The following TRPS1 variants were observed in gnomAD, a reference collection of about 807,000 sequenced individuals.
TRPS1 encodes transcriptional repressor GATA binding 1.
TRPS1 carries 6 observed loss-of-function variants against 101.2 expected under a neutral mutation model. The observed-to-expected ratio is 0.06, with a 90% CI of 0.03 to 0.12. The LOEUF (loss-of-function observed/expected upper bound fraction) is 0.12, where lower values mean the gene tolerates loss of function less well. TRPS1 is among the 10% of genes least tolerant of loss of function. The pLI is 1.00. For missense variants in TRPS1, 1,363 were observed against 1,567.0 expected (o/e 0.87, Z 2.20); for synonymous variants, 578 against 589.8 (o/e 0.98, Z 0.29).
chr8:115,551,612 GATT>G (rs1339001284), intron 5 of TRPS1, among the ~76,000 whole-genome samples: 1 of 152,058 alleles, frequency 6.6e-6, no homozygotes, highest in Admixed American at 6.5e-5. Context: ...AGCAGATTTT[GATT>G]ATTATGATGC....
chr8:115,522,739 A>C (rs1815896575), intron 5 of TRPS1, among the ~76,000 whole-genome samples: 1 of 152,134 alleles, frequency 6.6e-6, no homozygotes, highest in African/African-American at 2.4e-5. Context: ...ACATATTTTT[A>C]ATAACTGTTA....
At chr8:115,584,680 C>T (rs1452854834) in intron 5 of TRPS1, among the ~76,000 whole-genome samples, 1 of 144,132 alleles carries the variant, frequency 6.9e-6, no homozygotes, top group Non-Finnish European at 1.5e-5. Flanking sequence ...GTAGGTAATT[C>T]GGTATGATAA....
At chr8:115,520,570 T>G (rs1221036343) in intron 5 of TRPS1, among the ~76,000 whole-genome samples, 5 of 151,744 alleles carry the variant, frequency 3.3e-5, no homozygotes, top group African/African-American at 1.2e-4. Context: ...CTATGAAAAA[T>G]TATGCAAAAC....
intron 5 of TRPS1, among the ~76,000 whole-genome samples, chr8:115,461,202 T>C (rs1335113079): frequency 2.0e-5 from 3 of 152,130 alleles, no homozygotes. Context: ...CTAACTGCTT[T>C]GTATGTTTTA....
chr8:115,498,409 CTCTCTCTATATATATATATATATATA>C (rs1419496245), intron 5 of TRPS1, among the ~76,000 whole-genome samples: 2 of 80,960 alleles, frequency 2.5e-5, no homozygotes, highest in African/African-American at 1.3e-4. Context: ...CTCTCTCTCT[CTCTCTCTATATATATATATATATATA>C]TATATATATA....
At chr8:115,605,987 C>A (rs1298657456) in intron 3 of TRPS1, among the ~76,000 whole-genome samples, 1 of 152,118 alleles carries the variant, frequency 6.6e-6, no homozygotes, top group Non-Finnish European at 1.5e-5. Context: ...GAATGAAATA[C>A]TCCAAAAAGG....
At chr8:115,632,815 T>C (rs1041710817) in intron 1 of TRPS1, among the ~76,000 whole-genome samples, 4 of 152,252 alleles carry the variant, frequency 2.6e-5, no homozygotes, top group South Asian at 2.1e-4. Context: ...GGAGAGTGAC[T>C]GATTCCTGGA....
At chr8:115,479,530 C>A (rs931144216) in intron 5 of TRPS1, among the ~76,000 whole-genome samples, 3 of 152,110 alleles carry the variant, frequency 2.0e-5, no homozygotes, top group Non-Finnish European at 4.4e-5. Context: ...CCCTCACCCA[C>A]CAAACAAAAC....
In TRPS1 at chr8:115,418,569, C is replaced by T. The variant is rs1812978521; in HGVS notation, c.2701-117G>A. 1.4e-6 allele frequency: 2 copies of T among 1,403,484 alleles called. No homozygotes were observed. Among genetic ancestry groups the T allele is most frequent in the Non-Finnish European group, 2.0e-6 (2 of 997,020 alleles). The allele number at this position is 1,403,484 out of a possible 1,614,324, so 86.9% of individuals were successfully genotyped here. ...GCAACAATGACAGTATAAAACCACA[C>T]TGCCCATAATGAGGTCAGGTTCAAT... On this transcript the variant is annotated intron_variant, in intron 5 of 6. Coordinates refer to ENST00000395715, the MANE Select transcript of TRPS1 (RefSeq NM_014112.5). The surrounding 1 kb of genome is among the most constrained non-coding windows in gnomAD (Gnocchi z 4.3).
intron 5 of TRPS1, among the ~76,000 whole-genome samples, chr8:115,533,318 T>C (rs765174939): frequency 1.3e-5 from 2 of 152,100 alleles, no homozygotes; most frequent in Non-Finnish European, 2.9e-5. Flanking sequence ...TTCCAATATT[T>C]CTAATGTTGT....
In TRPS1 at chr8:115,604,387, C is replaced by T. The variant is rs1817982763; in HGVS notation, c.1582G>A (p.Ala528Thr). The T allele has an allele frequency of 2.5e-6, 4 of 1,614,072 alleles. No individual in the cohort carries two copies. The East Asian group carries it at 8.9e-5, about 36-fold the overall frequency. The change falls in exon 4 of 7, where the codon GCC becomes ACC. Residue 528 changes from alanine (A) to threonine (T), a missense_variant. Ala to Thr is a moderately conservative substitution (Grantham distance 58). Around this residue, in one of 5 missense-constraint regions of TRPS1, gnomAD observed 1,020 missense variants for 1,073.0 expected, o/e 0.95. Transcript: ENST00000395715. The surrounding 1 kb of genome is among the most constrained non-coding windows in gnomAD (Gnocchi z 4.1). ...AKKKDFSSKGAEDNMVTSYNC... is the reference protein window; with the variant it reads ...AKKKDFSSKGTEDNMVTSYNC... The stretch of plus-strand genomic sequence containing the variant: ...TAGCTCGTTACCATATTATCCTCGG[C>T]TCCCTTGCTGGAGAAGTCCTTCTTT...
chr8:115,473,121 A>G (rs1182721168), intron 5 of TRPS1, among the ~76,000 whole-genome samples: 2 of 152,160 alleles, frequency 1.3e-5, no homozygotes, highest in Non-Finnish European at 2.9e-5. Context: ...CTCTACTGGT[A>G]CCAATTTACT....
At chr8:115,501,060 G>C (rs760364) in intron 5 of TRPS1, among the ~76,000 whole-genome samples, 152,200 of 152,200 alleles carry the variant, frequency 1, 76,100 homozygotes, top group Non-Finnish European at 1. Flanking sequence ...ACTCCTGATT[G>C]TGCGACTCTA....
At chr8:115,610,180 T>C (rs1329595763) in intron 3 of TRPS1, among the ~76,000 whole-genome samples, 2 of 152,156 alleles carry the variant, frequency 1.3e-5, no homozygotes, top group Admixed American at 6.5e-5. Context: ...AGGGTACTAA[T>C]TTAAGAGAAC....
Position 115,604,840 on chromosome 8 carries a change from C to G in TRPS1, c.1129G>C (p.Ala377Pro), listed in dbSNP as rs773828486. 2 of 1,613,988 alleles carry G rather than the reference C, an allele frequency of 1.2e-6. No homozygotes were observed. Among genetic ancestry groups the G allele is most frequent in the Non-Finnish European group, 1.7e-6 (2 of 1,179,986 alleles). ...FLQTHPNKIK[A>P]SLPSSEVAKP... ...GCAACCTCAGAGGAGGGGAGAGAAGCTTTTATTTTGTTTGGGTGAGTCTGA... is the reference window on the plus strand; with the variant it reads ...GCAACCTCAGAGGAGGGGAGAGAAGGTTTTATTTTGTTTGGGTGAGTCTGA... Residue 377 changes from alanine (A) to proline (P), a missense_variant, in exon 4 of 7, where the codon GCT becomes CCT. Transcript: ENST00000395715. The surrounding 1 kb of genome is among the most constrained non-coding windows in gnomAD (Gnocchi z 4.1).
At chr8:115,461,302 CAG>C (rs879672597) in intron 5 of TRPS1, among the ~76,000 whole-genome samples, 59,196 of 113,082 alleles carry the variant, frequency 0.52, 14,465 homozygotes, top group East Asian at 0.77. Context: ...GATAGATAGA[CAG>C]ATACATACAT....
intron 1 of TRPS1, among the ~76,000 whole-genome samples, chr8:115,633,911 A>G (rs1374107679): frequency 6.6e-6 from 1 of 152,126 alleles, no homozygotes; most frequent in African/African-American, 2.4e-5. Context: ...AATAGGTACA[A>G]TGCCATCAGT....
At chr8:115,442,844 C>T (rs10102432) in intron 5 of TRPS1, among the ~76,000 whole-genome samples, 13,662 of 151,732 alleles carry the variant, frequency 0.09, 868 homozygotes, top group Non-Finnish European at 0.14. Flanking sequence ...GTAATCCCAG[C>T]ACTTTGGGAG....
chr8:115,498,409 C>CTATATATA, intron 5 of TRPS1, among the ~76,000 whole-genome samples: 1 of 80,958 alleles, frequency 1.2e-5, no homozygotes, highest in African/African-American at 6.6e-5. Context: ...CTCTCTCTCT[C>CTATATATA]TCTCTCTATA....
Sources: gnomAD v4.1 joint callset for allele counts (sites outside exome capture counted in the v4.1 genomes callset) on GRCh38, gnomAD v4.1.1 for gene constraint, gnomAD v4.1.1 regional missense constraint, Gnocchi (gnomAD v3.1) non-coding constraint, MANE v1.5 for transcripts, NCBI Gene and HGNC (gene_info 2026-07-23, HGNC 2026-07-21) for gene names.